The following CTSC variants were observed in gnomAD, a reference collection of about 807,000 sequenced individuals.
CTSC encodes dipeptidyl peptidase 1.
In CTSC, 37 loss-of-function variants were observed where a neutral mutation model predicts 40.9. The observed-to-expected ratio is 0.91, with a 90% CI of 0.70 to 1.19. The LOEUF (loss-of-function observed/expected upper bound fraction) is 1.19. Among genes scored for constraint, CTSC ranks in the 50% most tolerant of loss-of-function variants. The pLI is 0.00. For missense variants in CTSC, 594 were observed against 567.3 expected (o/e 1.05, Z -0.48); for synonymous variants, 232 against 207.4 (o/e 1.12, Z -1.02).
chr11:88,328,462 C>T (rs1249443172), intron 2 of CTSC, among the ~76,000 whole-genome samples: 1 of 152,102 alleles, frequency 6.6e-6, no homozygotes, highest in Non-Finnish European at 1.5e-5. Flanking sequence ...TAATAATGAA[C>T]CCAGAAGGCT....
At chr11:88,336,238 TAAAAA>T (rs3079112) in intron 1 of CTSC, among the ~76,000 whole-genome samples, 1 of 127,204 alleles carries the variant, frequency 7.9e-6, no homozygotes, top group Non-Finnish European at 1.6e-5. Flanking sequence ...AACTCAAATT[TAAAAA>T]AAAAAAAAAA....
intron 2 of CTSC, chr11:88,325,031 T>C (rs953688061): frequency 5.1e-6 from 5 of 985,190 alleles, no homozygotes; most frequent in Non-Finnish European, 6.0e-6. Context: ...GAGAGGAAAG[T>C]CCACCCAGAC....
chr11:88,314,110 G>T (rs1937825547), intron 2 of CTSC, among the ~76,000 whole-genome samples: 2 of 152,148 alleles, frequency 1.3e-5, no homozygotes. Context: ...TATTTCACTT[G>T]TTTGCAGAGG....
chr11:88,300,546 A>G lies in CTSC; in HGVS notation c.741T>C (p.Ser247=). ...TTTTTTTACCTTGGTTTCGAACAGGACTGACAAAATTGATACCATGAACAT... is the reference window on the plus strand; with the variant it reads ...TTTTTTTACCTTGGTTTCGAACAGGGCTGACAAAATTGATACCATGAACAT... ...WRNVHGINFV[S]PVRNQASCGS... Residue 247 remains serine (S), a synonymous_variant, in exon 5 of 7, where the codon AGT becomes AGC. Transcript: ENST00000227266. 1.2e-6 allele frequency: 2 copies of G among 1,608,294 alleles called. No homozygotes were observed. Among genetic ancestry groups the G allele is most frequent in the Non-Finnish European group, 1.7e-6 (2 of 1,174,666 alleles).
At chr11:88,322,066 T>C (rs1938030154) in intron 2 of CTSC, 2 of 152,224 alleles carry the variant, frequency 1.3e-5, no homozygotes, top group Admixed American at 6.5e-5. Flanking sequence ...GAAGTGTCTG[T>C]TCATGTTCTT....
chr11:88,337,469 C>G (rs1938532221), intron 1 of CTSC, 32 bp downstream of exon 1: 5 of 1,554,698 alleles, frequency 3.2e-6, no homozygotes, highest in Admixed American at 1.9e-5. Flanking sequence ...GCAGAAAGGA[C>G]GACCCGGAGG....
Position 88,337,269 on chromosome 11 carries a change from G to A in CTSC, c.172+232C>T, listed in dbSNP as rs116079992. ...GAATAAAAAAGTTCTTGATCAAAGTGTTGAGTCCCCAAGATAACCAAGAAA... is the reference window on the plus strand; with the variant it reads ...GAATAAAAAAGTTCTTGATCAAAGTATTGAGTCCCCAAGATAACCAAGAAA... On this transcript the variant is annotated intron_variant, in intron 1 of 6. Transcript: ENST00000227266. Among the ~76,000 whole-genome samples the A allele has an allele frequency of 7.0e-3, 1,067 of 152,352 alleles. 18 individuals are homozygous for A. Among genetic ancestry groups the A allele is most frequent in the African/African-American group, 0.024 (989 of 41,576 alleles).
At chr11:88,294,615 T>C (rs1285920947) in intron 6 of CTSC, 107 bp from the exon 7 acceptor site, 13 of 1,290,818 alleles carry the variant, frequency 1.0e-5, no homozygotes, top group South Asian at 7.6e-5. Context: ...CCCCTGAAAG[T>C]TGTTCTTAGC....
intron 2 of CTSC, among the ~76,000 whole-genome samples, chr11:88,334,196 T>C (rs1938432652): frequency 6.6e-6 from 1 of 152,248 alleles, no homozygotes; most frequent in Admixed American, 6.5e-5. Flanking sequence ...TTCAGGCTTA[T>C]GTATCCAATT....
Position 88,337,413 on chromosome 11 carries a change from T to C in CTSC, c.172+88A>G, listed in dbSNP as rs1423633929. ...CTCTGGCCACCCACAAGCGTCTGCC[T>C]GGGGGGAAGCGGTAGTTGGCGTGGC... On this transcript the variant is annotated intron_variant, in intron 1 of 6. Transcript: ENST00000227266. 3.7e-6 allele frequency: 5 copies of C among 1,352,512 alleles called. No individual in the cohort carries two copies. In the East Asian group the frequency reaches 1.2e-4, roughly 34 times the overall value. 83.8% of individuals were successfully genotyped at this position (1,352,512 alleles called of 1,614,324 possible).
chr11:88,296,287 T>C (rs892020275), intron 5 of CTSC, 23 bp from the exon 6 acceptor site: 7 of 1,612,790 alleles, frequency 4.3e-6, no homozygotes, highest in East Asian at 2.2e-5. Context: ...AAAAGACACA[T>C]AATCCAAGAG....
intron 2 of CTSC, chr11:88,324,560 A>G: frequency 1.0e-6 from 1 of 982,590 alleles, no homozygotes; most frequent in Non-Finnish European, 1.2e-6. Flanking sequence ...AAGAAAAGAA[A>G]ACTGTGGTGC....
At chr11:88,294,669 C>T (rs1044433091) in intron 6 of CTSC, among the ~76,000 whole-genome samples, 161 bp from the exon 7 acceptor site, 2 of 152,216 alleles carry the variant, frequency 1.3e-5, no homozygotes, top group Non-Finnish European at 2.9e-5. Flanking sequence ...AACTAGCTAA[C>T]TATCCTTTCA....
At chr11:88,316,726 A>G (rs1472569915) in intron 2 of CTSC, among the ~76,000 whole-genome samples, 1 of 152,216 alleles carries the variant, frequency 6.6e-6, no homozygotes, top group Non-Finnish European at 1.5e-5. Flanking sequence ...AAGAACAACA[A>G]ATGTCAAGTC....
In CTSC at chr11:88,309,322, T is replaced by G; in HGVS notation, c.486-4A>C. 1 of 1,611,074 alleles carries G rather than the reference T, an allele frequency of 6.2e-7. No homozygotes were observed. Among genetic ancestry groups the G allele is most frequent in the Non-Finnish European group, 8.5e-7 (1 of 1,177,376 alleles). ...CTTGTAGAGCCTATTAGAATACCTG[T>G]CCCCAAAAATGAGATAATTTCAGAT... is the stretch of plus-strand genomic sequence containing the variant. On this transcript the variant is annotated splice_polypyrimidine_tract_variant and splice_region_variant and intron_variant, in intron 3 of 6. Transcript: ENST00000227266.
At position 88,294,040 on chromosome 11, in the gene CTSC, A is replaced by G. The variant is rs749611442; in HGVS notation, c.1358T>C (p.Ile453Thr). ...AGGAATTGGTGTGGCTGCCACTGCT[A>G]TGCTCTCAATTGCACACTCATCAGT... is the stretch of plus-strand genomic sequence containing the variant. ...RGTDECAIESIAVAATPIPKL is the reference protein window; with the variant it reads ...RGTDECAIESTAVAATPIPKL The change falls in exon 7 of 7, where the codon ATA becomes ACA. Residue 453 changes from isoleucine (I) to threonine (T), a missense_variant. Ile to Thr is a moderately conservative substitution (Grantham distance 89, BLOSUM62 -1). Coordinates refer to ENST00000227266, the MANE Select transcript of CTSC (RefSeq NM_001814.6). The G allele has an allele frequency of 3.1e-6, 5 of 1,613,946 alleles. No homozygotes were observed. In the African/African-American group the frequency reaches 6.7e-5, roughly 22 times the overall value.
chr11:88,306,486 G>T (rs1472773977), intron 4 of CTSC, among the ~76,000 whole-genome samples: 1 of 150,544 alleles, frequency 6.6e-6, no homozygotes. Flanking sequence ...CAGATACAAG[G>T]AGCTGAACAT....
intron 4 of CTSC, among the ~76,000 whole-genome samples, 178 bp downstream of exon 4, chr11:88,308,985 G>A (rs1937692208): frequency 1.3e-5 from 2 of 152,154 alleles, no homozygotes; most frequent in South Asian, 4.1e-4. Flanking sequence ...TCATAAATAG[G>A]ACTTGGAGAG....
intron 2 of CTSC, among the ~76,000 whole-genome samples, chr11:88,315,139 C>T (rs1396099204): frequency 1.3e-5 from 2 of 152,156 alleles, no homozygotes; most frequent in Admixed American, 1.3e-4. Context: ...CTCTCTGGCA[C>T]TGGCTCTTGA....
Sources: gnomAD v4.1 joint callset for allele counts (sites outside exome capture counted in the v4.1 genomes callset) on GRCh38, gnomAD v4.1.1 for gene constraint, MANE v1.5 for transcripts, NCBI Gene and HGNC (gene_info 2026-07-23, HGNC 2026-07-21) for gene names.